CACNA2D1: variants seen among roughly 807,000 people sequenced by gnomAD.
CACNA2D1 encodes calcium voltage-gated channel auxiliary subunit alpha2delta 1.
A neutral mutation model predicts 171.5 loss-of-function variants in CACNA2D1; 53 were observed. The observed-to-expected ratio is 0.31, with a 90% CI of 0.25 to 0.39. CACNA2D1 has a LOEUF of 0.39. CACNA2D1 is among the 10% of genes least tolerant of loss of function. The pLI is 1.00. For synonymous variants in CACNA2D1, 442 were observed against 443.1 expected (o/e 1.00, Z 0.03); for missense variants, 903 against 1,299.8 (o/e 0.69, Z 4.69).
At chr7:82,038,717 G>A (rs1002124448) in intron 10 of CACNA2D1, among the ~76,000 whole-genome samples, 7 of 152,136 alleles carry the variant, frequency 4.6e-5, no homozygotes, top group African/African-American at 1.7e-4. Context: ...TGATGGTACT[G>A]TCTTTCTACA....
intron 20 of CACNA2D1, among the ~76,000 whole-genome samples, chr7:81,992,469 C>G (rs1427511969): frequency 2.0e-5 from 3 of 151,752 alleles, no homozygotes; most frequent in Non-Finnish European, 4.4e-5. Flanking sequence ...GAGGGGGGAA[C>G]AGGGTTGTGA....
Position 82,165,500 on chromosome 7 carries a change from G to C in CACNA2D1, c.354+5050C>G, listed in dbSNP as rs577431125. 2.6e-5 allele frequency among the ~76,000 whole-genome samples: 4 copies of C among 152,128 alleles called. No individual in the cohort carries two copies. The East Asian group carries it at 7.8e-4, about 29-fold the overall frequency. ...TCTTTTCAATATAAAAAACAAAAGAGATAGGTTATCACCCAGCATAACTAA... is the reference window on the plus strand; with the variant it reads ...TCTTTTCAATATAAAAAACAAAAGACATAGGTTATCACCCAGCATAACTAA... On this transcript the variant is annotated intron_variant, in intron 4 of 38. Transcript: ENST00000356860.
At chr7:82,443,778 C>G (rs1046537565), upstream of CACNA2D1, 159 of 1,052,294 alleles carry the variant, frequency 1.5e-4, no homozygotes, top group Non-Finnish European at 1.8e-4. Context: ...CGCTCTCGCT[C>G]TCCCTCTCGG....
At chr7:81,991,031 C>T (rs1008983862) in intron 21 of CACNA2D1, among the ~76,000 whole-genome samples, 154 bp downstream of exon 21, 1 of 151,864 alleles carries the variant, frequency 6.6e-6, no homozygotes, top group Non-Finnish European at 1.5e-5. Context: ...AGAGTTTTTC[C>T]ATCTTTTCCA....
chr7:82,008,958 A>G (rs1799433508), intron 15 of CACNA2D1, among the ~76,000 whole-genome samples: 1 of 152,112 alleles, frequency 6.6e-6, no homozygotes, highest in Non-Finnish European at 1.5e-5. Flanking sequence ...AAACTAAGGA[A>G]ACAACCATAC....
At chr7:82,030,836 A>C (rs1802602809) in intron 12 of CACNA2D1, among the ~76,000 whole-genome samples, 1 of 151,924 alleles carries the variant, frequency 6.6e-6, no homozygotes, top group African/African-American at 2.4e-5. Context: ...GAGATAGTAC[A>C]TTTTATATTA....
intron 3 of CACNA2D1, among the ~76,000 whole-genome samples, chr7:82,324,617 A>G (rs1001538003): frequency 1.3e-5 from 2 of 152,064 alleles, no homozygotes; most frequent in East Asian, 1.9e-4. Context: ...AGACTTAAAA[A>G]TCCATAAAGA....
chr7:82,384,225 G>GT (rs1585744697), intron 1 of CACNA2D1, among the ~76,000 whole-genome samples: 1 of 152,158 alleles, frequency 6.6e-6, no homozygotes, highest in Non-Finnish European at 1.5e-5. Flanking sequence ...CAAAAAATGT[G>GT]TATGTTGAAA....
At chr7:82,435,196 C>T (rs1446802360) in intron 1 of CACNA2D1, among the ~76,000 whole-genome samples, 2 of 151,882 alleles carry the variant, frequency 1.3e-5, no homozygotes, top group Non-Finnish European at 2.9e-5. Context: ...CCATCACACC[C>T]GGCTAATTTT....
chr7:82,268,216 A>C (rs2129344640), intron 3 of CACNA2D1, among the ~76,000 whole-genome samples: 1 of 152,354 alleles, frequency 6.6e-6, no homozygotes, highest in African/African-American at 2.4e-5. Context: ...AGAAAGATTA[A>C]AATTGTTCAA....
intron 3 of CACNA2D1, among the ~76,000 whole-genome samples, chr7:82,173,498 G>A (rs1796252040): frequency 6.6e-6 from 1 of 151,994 alleles, no homozygotes; most frequent in Admixed American, 6.6e-5. Flanking sequence ...TGTTCATGAA[G>A]AAATTAATAA....
intron 3 of CACNA2D1, among the ~76,000 whole-genome samples, chr7:82,221,240 G>A (rs1324598686): frequency 6.6e-6 from 1 of 152,170 alleles, no homozygotes; most frequent in Non-Finnish European, 1.5e-5. Flanking sequence ...TCCACTGAAA[G>A]GGTTTTGGGT....
intron 3 of CACNA2D1, among the ~76,000 whole-genome samples, chr7:82,244,288 A>G (rs1804656428): frequency 6.6e-6 from 1 of 152,136 alleles, no homozygotes; most frequent in Non-Finnish European, 1.5e-5. Context: ...ACACTAAAGG[A>G]TGAGTTATCT....
At chr7:82,078,189 C>T (rs3801759) in intron 7 of CACNA2D1, among the ~76,000 whole-genome samples, 57,103 of 151,818 alleles carry the variant, frequency 0.38, 11,184 homozygotes, top group Non-Finnish European at 0.43. Flanking sequence ...ACAAACGAGG[C>T]AGGGCAGAGA....
chr7:82,014,013 A>G (rs1448652109), intron 13 of CACNA2D1, among the ~76,000 whole-genome samples: 1 of 152,036 alleles, frequency 6.6e-6, no homozygotes, highest in Non-Finnish European at 1.5e-5. Flanking sequence ...GTATAAGGTA[A>G]TATTTTTCAA....
chr7:81,979,025 A>G (rs190032347), intron 24 of CACNA2D1, among the ~76,000 whole-genome samples: 178 of 152,088 alleles, frequency 1.2e-3, no homozygotes, highest in African/African-American at 4.1e-3. Flanking sequence ...GTGCAACAAC[A>G]TGGATGAACC....
At chr7:82,019,230 G>T (rs768988578) in intron 12 of CACNA2D1, among the ~76,000 whole-genome samples, 1 of 152,068 alleles carries the variant, frequency 6.6e-6, no homozygotes, top group South Asian at 2.1e-4. Flanking sequence ...TGAGGCAGGA[G>T]AATTACTTGA....
At chr7:82,150,257 T>TAAAAAAAAAAAAAAAAAAA (rs565121488) in intron 4 of CACNA2D1, among the ~76,000 whole-genome samples, 1 of 92,848 alleles carries the variant, frequency 1.1e-5, no homozygotes, top group African/African-American at 3.7e-5. Context: ...TAGATCAAAT[T>TAAAAAAAAAAAAAAAAAAA]AAAAAAAAAA....
intron 7 of CACNA2D1, among the ~76,000 whole-genome samples, chr7:82,072,617 G>A (rs1458469302): frequency 6.6e-6 from 1 of 151,282 alleles, no homozygotes; most frequent in Admixed American, 6.6e-5. Flanking sequence ...AGACAAGACA[G>A]GAAAGCAAGC....
Sources: gnomAD v4.1 joint callset for allele counts (sites outside exome capture counted in the v4.1 genomes callset) on GRCh38, gnomAD v4.1.1 for gene constraint, MANE v1.5 for transcripts, NCBI Gene and HGNC (gene_info 2026-07-23, HGNC 2026-07-21) for gene names.